The following COL17A1 variants were observed in gnomAD, a reference collection of about 807,000 sequenced individuals.
COL17A1 encodes the protein collagen alpha-1(XVII) chain.
A neutral mutation model predicts 218.4 loss-of-function variants in COL17A1; 181 were observed. The observed-to-expected ratio is 0.83, with a 90% CI of 0.73 to 0.94. The LOEUF (loss-of-function observed/expected upper bound fraction) is 0.94, where lower values mean the gene tolerates loss of function less well. Ranked by LOEUF, COL17A1 falls within the 40% of genes least tolerant of loss-of-function variation. The pLI is 0.00. For synonymous variants in COL17A1, 721 were observed against 731.0 expected, an observed-to-expected ratio of 0.99 and a Z score of 0.22; for missense variants, 1,924 against 1,945.9, an observed-to-expected ratio of 0.99 and a Z score of 0.21.
intron 25 of COL17A1, among the ~76,000 whole-genome samples, 182 bp downstream of exon 25, chr10:104,051,299 A>C (rs1267903750): frequency 6.6e-6 from 1 of 152,246 alleles, no homozygotes; most frequent in Non-Finnish European, 1.5e-5. Context: ...AGGGATCTGG[A>C]CAGGACATAT....
At chr10:104,061,271 C>T (rs2086580084) in intron 13 of COL17A1, 134 bp downstream of exon 13, 1 of 875,250 alleles carries the variant, frequency 1.1e-6, no homozygotes, top group South Asian at 1.6e-5. Context: ...CGTTTGCAGG[C>T]CTAAGACCAC....
At chr10:104,061,213 A>T (rs1023179001) in intron 13 of COL17A1, among the ~76,000 whole-genome samples, 192 bp downstream of exon 13, 1 of 152,142 alleles carries the variant, frequency 6.6e-6, no homozygotes, top group African/African-American at 2.4e-5. Context: ...GGGAATGTTC[A>T]CCTTTATTCA....
chr10:104,050,052 G>A (rs762996556), intron 28 of COL17A1, 37 bp downstream of exon 28: 86 of 1,613,754 alleles, frequency 5.3e-5, no homozygotes, highest in East Asian at 3.8e-4. Flanking sequence ...TACAAAAGTC[G>A]TGGATAGATT....
rs2086444737 is a variant in COL17A1 at position 104,049,351 on chromosome 10, G to A, written c.2227+58C>T. The stretch of plus-strand genomic sequence containing the variant: ...AGCTCTAGAAGACGGATCTCTCCAG[G>A]GTCGTGGTGACCCCTCAGATGGGGA... On this transcript the variant is annotated intron_variant, in intron 29 of 55. Transcript: ENST00000648076. The A allele has an allele frequency of 2.4e-5, 36 of 1,509,486 alleles. No individual in the cohort carries two copies. In the South Asian group the frequency reaches 3.9e-4, roughly 16 times the overall value. 93.5% of individuals were successfully genotyped at this position (1,509,486 alleles called of 1,614,324 possible).
intron 2 of COL17A1, 127 bp from the exon 3 acceptor site, chr10:104,078,713 TGTGCTTTAAG>T: frequency 7.5e-7 from 1 of 1,340,554 alleles, no homozygotes; most frequent in Non-Finnish European, 1.0e-6. Context: ...TTTCTATCCT[TGTGCTTTAAG>T]GTGTGTGATC....
At chr10:104,052,276 T>A in intron 23 of COL17A1, 59 bp from the exon 24 acceptor site, 3 of 1,606,602 alleles carry the variant, frequency 1.9e-6, no homozygotes, top group Non-Finnish European at 2.6e-6. Context: ...CTGCCCCCTA[T>A]CCTGGCACTG....
intron 18 of COL17A1, 56 bp downstream of exon 18, chr10:104,055,726 A>G: frequency 6.2e-7 from 1 of 1,605,252 alleles, no homozygotes; most frequent in Non-Finnish European, 8.5e-7. Context: ...TACCACATAG[A>G]TGCAAAGAAG....
intron 17 of COL17A1, 100 bp downstream of exon 17, chr10:104,056,875 C>G: frequency 6.5e-7 from 1 of 1,542,574 alleles, no homozygotes; most frequent in African/African-American, 1.4e-5. Flanking sequence ...CCCTCGCCCC[C>G]TAACACGTGG....
In COL17A1 at chr10:104,042,741, C is replaced by T. The variant is rs541377489; in HGVS notation, c.2516-286G>A. 9.2e-5 allele frequency among the ~76,000 whole-genome samples: 14 copies of T among 152,332 alleles called. No homozygotes were observed. The South Asian group carries it at 2.9e-3, about 32-fold the overall frequency. On this transcript the variant is annotated intron_variant, in intron 35 of 55. Transcript: ENST00000648076. ...TGTACTCCTTCTCACTGGAGCTTGT[C>T]AGGAGGGAAGGCTGGTACATTCTGG...
In COL17A1 at chr10:104,055,477, CACACAA is replaced by C. The variant is rs879939655; in HGVS notation, c.1688-82_1688-77del. 281 of 1,514,406 alleles carry C rather than the reference CACACAA, an allele frequency of 1.9e-4. 7 individuals carry two copies. Among genetic ancestry groups the C allele is most frequent in the Middle Eastern group, 3.4e-4 (2 of 5,804 alleles). 93.8% of individuals were successfully genotyped at this position (1,514,406 alleles called of 1,614,324 possible). On this transcript the variant is annotated intron_variant, in intron 18 of 55. Coordinates refer to ENST00000648076, the MANE Select transcript of COL17A1 (RefSeq NM_000494.4). Reference sequence around the variant, plus strand: ...ACACACACACACACACACACACACACACACAATAAGGGGATCATGGTATGGGAAGAA... The same window carrying C: ...ACACACACACACACACACACACACACTAAGGGGATCATGGTATGGGAAGAA...
rs1316238096 is a variant in COL17A1 at position 104,041,352 on chromosome 10, A to T, written c.2606-8T>A. 1 of 1,610,898 alleles carries T rather than the reference A, an allele frequency of 6.2e-7. No individual in the cohort carries two copies. The highest frequency in any genetic ancestry group is 8.5e-7 in the Non-Finnish European group (1 of 1,178,728). ...GGCCTGGAATGGAAGGCCCTGCAGA[A>T]GAGAGCAAGGAAGAGGCCATGCTGA... On this transcript the variant is annotated splice_region_variant and splice_polypyrimidine_tract_variant and intron_variant, in intron 37 of 55. Coordinates refer to ENST00000648076, the MANE Select transcript of COL17A1 (RefSeq NM_000494.4).
chr10:104,074,061 C>CA, intron 6 of COL17A1, 123 bp downstream of exon 6: 1 of 1,506,596 alleles, frequency 6.6e-7, no homozygotes, highest in Non-Finnish European at 9.2e-7. Context: ...CAGCAGGGGT[C>CA]AAACTCTTTT....
At chr10:104,085,017 C>A (rs2086794132) in intron 1 of COL17A1, among the ~76,000 whole-genome samples, 1 of 152,134 alleles carries the variant, frequency 6.6e-6, no homozygotes, top group Non-Finnish European at 1.5e-5. Flanking sequence ...ACTGGTAATT[C>A]TCATCTCAAA....
At chr10:104,082,737 G>C (rs2086775716) in intron 1 of COL17A1, among the ~76,000 whole-genome samples, 1 of 152,176 alleles carries the variant, frequency 6.6e-6, no homozygotes, top group African/African-American at 2.4e-5. Context: ...CAGTCTCCAG[G>C]CAGCAAACCT....
In COL17A1 at chr10:104,061,488, G is replaced by A. The variant is rs771430656; in HGVS notation, c.911-15C>T. 3 of 1,611,502 alleles carry A rather than the reference G, an allele frequency of 1.9e-6. No individual in the cohort carries two copies. In the African/African-American group the frequency reaches 4.0e-5, roughly 22 times the overall value. On this transcript the variant is annotated splice_polypyrimidine_tract_variant and intron_variant, in intron 12 of 55. Transcript: ENST00000648076. ...CACCCCATATGCTGCAAGAAAGGAAGCTGGGTCAGCATGGGAGGGTGGTTC... is the reference window on the plus strand; with the variant it reads ...CACCCCATATGCTGCAAGAAAGGAAACTGGGTCAGCATGGGAGGGTGGTTC...
At chr10:104,063,592 C>T in intron 11 of COL17A1, 155 bp downstream of exon 11, 1 of 1,197,574 alleles carries the variant, frequency 8.4e-7, no homozygotes, top group Non-Finnish European at 1.2e-6. Flanking sequence ...GGTCTGAGTT[C>T]TCCCTGTGGT....
At chr10:104,074,364 T>C in intron 5 of COL17A1, 133 bp from the exon 6 acceptor site, 1 of 1,282,584 alleles carries the variant, frequency 7.8e-7, no homozygotes, top group Non-Finnish European at 1.1e-6. Flanking sequence ...TGAGGTATGC[T>C]CTTCAGCATG....
rs755937517 is a variant in COL17A1 at position 104,035,571 on chromosome 10, G to A, written c.3419-8C>T. 2 of 1,611,476 alleles carry A rather than the reference G, an allele frequency of 1.2e-6. No homozygotes were observed. On this transcript the variant is annotated splice_region_variant and splice_polypyrimidine_tract_variant and intron_variant, in intron 48 of 55. Coordinates refer to ENST00000648076, the MANE Select transcript of COL17A1 (RefSeq NM_000494.4). Reference sequence around the variant, plus strand: ...CAATGCTGATCCCAGAACCTAGGGAGGTGATGGATTCAGATCAGGCAGGGG... The same window carrying A: ...CAATGCTGATCCCAGAACCTAGGGAAGTGATGGATTCAGATCAGGCAGGGG...
Position 104,046,694 on chromosome 10 carries a change from G to A in COL17A1, c.2362+53C>T. The A allele has an allele frequency of 2.5e-6, 4 of 1,591,864 alleles. No individual in the cohort carries two copies. The Admixed American group carries it at 6.7e-5, about 27-fold the overall frequency. The stretch of plus-strand genomic sequence containing the variant: ...TGCAGGAAAAGCCCTGGCCCAAGCA[G>A]TTACCCCAGGAGAAGGTGGGAGACA... On this transcript the variant is annotated intron_variant, in intron 32 of 55. Transcript: ENST00000648076.
Sources: gnomAD v4.1 joint callset for allele counts (sites outside exome capture counted in the v4.1 genomes callset) on GRCh38, gnomAD v4.1.1 for gene constraint, MANE v1.5 for transcripts, NCBI Gene and HGNC (gene_info 2026-07-23, HGNC 2026-07-21) for gene names.